OTUD7B: variants seen among roughly 807,000 people sequenced by gnomAD.
The protein encoded by OTUD7B is OTU domain-containing protein 7B.
Under a neutral mutation model 82.2 loss-of-function variants are expected in OTUD7B, and 34 were observed. The observed-to-expected ratio is 0.41, with a 90% confidence interval of 0.31 to 0.55. The LOEUF is 0.55. Ranked by LOEUF, OTUD7B falls within the 20% of genes least tolerant of loss-of-function variation. OTUD7B has a pLI of 0.20. For missense variants in OTUD7B, 944 were observed against 1,062.1 expected, an observed-to-expected ratio of 0.89 and a Z score of 1.55; for synonymous variants, 398 against 402.7, an observed-to-expected ratio of 0.99 and a Z score of 0.14.
intron 11 of OTUD7B, among the ~76,000 whole-genome samples, chr1:149,946,826 G>A (rs1647793604): frequency 1.3e-5 from 2 of 151,348 alleles, no homozygotes; most frequent in South Asian, 2.1e-4. Flanking sequence ...GCTGAGGCGG[G>A]CAGATCATCT....
the OTUD7B span, among the ~76,000 whole-genome samples, chr1:150,017,583 A>G: frequency 6.6e-6 from 1 of 152,174 alleles, no homozygotes; most frequent in Non-Finnish European, 1.5e-5. Flanking sequence ...GCATGTACTT[A>G]AGACTACCAA....
At chr1:150,058,883 A>C in the OTUD7B span, among the ~76,000 whole-genome samples, 4 of 152,096 alleles carry the variant, frequency 2.6e-5, no homozygotes, top group East Asian at 7.7e-4. Flanking sequence ...TCTGTCAGAG[A>C]CTAGTTAGGA....
chr1:149,959,739 G>A lies in OTUD7B; in HGVS notation c.790C>T (p.Leu264Phe). Residue 264 changes from leucine to phenylalanine, a missense_variant, in exon 7 of 12, where the codon CTT becomes TTT. Physicochemically the swap from Leu to Phe is conservative, Grantham distance 22 (BLOSUM62 0). Transcript: ENST00000581312. ...TGCATTCGGGGTTCACTTGAGGCAA[G>A]CTTGATCAGTTCATTCCACTCCTTC... is the stretch of plus-strand genomic sequence containing the variant. ...WQKEWNELIK[L>F]ASSEPRMHLG... 1 of 1,614,096 alleles carries A rather than the reference G, an allele frequency of 6.2e-7. No homozygotes were observed.
chr1:149,971,669 C>A (rs1649949532), intron 2 of OTUD7B, among the ~76,000 whole-genome samples: 1 of 152,184 alleles, frequency 6.6e-6, no homozygotes. Context: ...TACATGTACT[C>A]TAGTGTGTCC....
At position 149,965,976 on chromosome 1, in the gene OTUD7B, G is replaced by C; in HGVS notation, c.503-98C>G. The stretch of plus-strand genomic sequence containing the variant: ...ACTCCAAAGCAGCCTCCTCTAGGAG[G>C]CCTACCCAGAATAAAACCATCACTT... On this transcript the variant is annotated intron_variant, in intron 4 of 11. Transcript: ENST00000581312. 10 of 844,034 alleles carry C rather than the reference G, an allele frequency of 1.2e-5. No individual in the cohort carries two copies. The South Asian group carries it at 1.6e-4, about 13-fold the overall frequency. 52.3% of individuals were successfully genotyped at this position (844,034 alleles called of 1,614,324 possible).
intron 7 of OTUD7B, among the ~76,000 whole-genome samples, chr1:149,954,046 C>G (rs1282638488): frequency 1.3e-5 from 2 of 152,146 alleles, no homozygotes; most frequent in African/African-American, 4.8e-5. Flanking sequence ...ATTTCTTTCT[C>G]CTGCCTGATT....
the OTUD7B span, chr1:150,054,311 A>C: frequency 4.0e-6 from 2 of 497,226 alleles, no homozygotes; most frequent in Non-Finnish European, 7.9e-6. Flanking sequence ...GACCATTCTG[A>C]TCATCCTCAC....
At chr1:150,025,140 G>A in the OTUD7B span, among the ~76,000 whole-genome samples, 2 of 150,104 alleles carry the variant, frequency 1.3e-5, no homozygotes, top group Non-Finnish European at 3.0e-5. Context: ...AGGTCTCAGG[G>A]GCTGGGCGCG....
intron 1 of OTUD7B, among the ~76,000 whole-genome samples, chr1:149,984,447 A>T (rs1313842106): frequency 6.6e-6 from 1 of 152,150 alleles, no homozygotes; most frequent in African/African-American, 2.4e-5. Flanking sequence ...AGCATTTGAC[A>T]CTTACTGACC....
At chr1:149,950,649 T>C (rs1553773166) in intron 7 of OTUD7B, among the ~76,000 whole-genome samples, 1 of 152,200 alleles carries the variant, frequency 6.6e-6, no homozygotes, top group African/African-American at 2.4e-5. Context: ...TCCTTTCCTA[T>C]GTTCCTTTCC....
chr1:150,063,948 A>G, the OTUD7B span, among the ~76,000 whole-genome samples: 6 of 152,334 alleles, frequency 3.9e-5, no homozygotes, highest in South Asian at 4.1e-4. Context: ...GAGCAGGTCA[A>G]ATCTTCCCAT....
chr1:150,063,361 T>G, the OTUD7B span, among the ~76,000 whole-genome samples: 6 of 152,024 alleles, frequency 3.9e-5, no homozygotes, highest in African/African-American at 1.2e-4. Context: ...TGAGGCATGA[T>G]AATCACTAGA....
chr1:149,952,401 A>G (rs1553773680), intron 7 of OTUD7B, among the ~76,000 whole-genome samples: 1 of 152,180 alleles, frequency 6.6e-6, no homozygotes, highest in Non-Finnish European at 1.5e-5. Context: ...ATGGCTGCAT[A>G]GTATTCCATG....
chr1:150,034,821 A>C, the OTUD7B span, among the ~76,000 whole-genome samples: 1 of 151,984 alleles, frequency 6.6e-6, no homozygotes, highest in African/African-American at 2.4e-5. Flanking sequence ...CGGCTTTATT[A>C]TTTTATGTTT....
the OTUD7B span, among the ~76,000 whole-genome samples, chr1:150,037,778 C>T: frequency 5.3e-5 from 8 of 151,882 alleles, no homozygotes; most frequent in African/African-American, 1.9e-4. Context: ...TCAGCTGAGA[C>T]GGGGTTTCAA....
intron 1 of OTUD7B, among the ~76,000 whole-genome samples, chr1:149,993,086 G>A (rs1039333001): frequency 6.6e-6 from 1 of 152,180 alleles, no homozygotes; most frequent in African/African-American, 2.4e-5. Flanking sequence ...GGGAGGTGGA[G>A]GCTGCAATGA....
At chr1:150,028,674 A>C in the OTUD7B span, among the ~76,000 whole-genome samples, 1 of 152,122 alleles carries the variant, frequency 6.6e-6, no homozygotes, top group Non-Finnish European at 1.5e-5. Context: ...TGCTTTATGT[A>C]CTTTGTGCTT....
At chr1:150,058,929 T>C in the OTUD7B span, among the ~76,000 whole-genome samples, 1 of 152,186 alleles carries the variant, frequency 6.6e-6, no homozygotes, top group Non-Finnish European at 1.5e-5. Context: ...TCTTATTTTA[T>C]AATTTTCTTA....
chr1:149,982,841 C>CATT (rs1650861275), intron 1 of OTUD7B, among the ~76,000 whole-genome samples: 2 of 84,164 alleles, frequency 2.4e-5, no homozygotes, highest in African/African-American at 5.0e-5. Context: ...TCCTCTCTTA[C>CATT]TTTTTTTTTT....
Sources: allele counts gnomAD v4.1 joint callset (sites outside exome capture counted in the v4.1 genomes callset), GRCh38; gene constraint gnomAD v4.1.1; transcripts MANE v1.5; gene names NCBI Gene and HGNC (gene_info 2026-07-23, HGNC 2026-07-21).